REV1: variants seen among roughly 807,000 people sequenced by gnomAD.
REV1 encodes the protein REV1 DNA directed polymerase, also known as translesion synthesis protein REV1.
In REV1, 42 loss-of-function variants were observed where a neutral mutation model predicts 137.4. The ratio of observed to expected loss-of-function variants is 0.31; its 90% CI spans 0.24 to 0.40. The LOEUF (loss-of-function observed/expected upper bound fraction) is 0.40, where lower values mean the gene tolerates loss of function less well. Ranked by LOEUF, REV1 falls within the 10% of genes least tolerant of loss-of-function variation. REV1 has a pLI of 1.00. For synonymous variants in REV1, 524 were observed against 519.2 expected, an observed-to-expected ratio of 1.01 and a Z score of -0.12; for missense variants, 1,282 against 1,490.1, an observed-to-expected ratio of 0.86 and a Z score of 2.30.
At chr2:99,455,277 T>G (rs1305551434) in intron 3 of REV1, among the ~76,000 whole-genome samples, 1 of 152,170 alleles carries the variant, frequency 6.6e-6, no homozygotes, top group African/African-American at 2.4e-5. Flanking sequence ...TCTTATGAAT[T>G]AGAAAAGATA....
chr2:99,422,896 C>T (rs1267191298), intron 10 of REV1, among the ~76,000 whole-genome samples: 1 of 152,186 alleles, frequency 6.6e-6, no homozygotes, highest in Non-Finnish European at 1.5e-5. Context: ...ACCTCAGTCA[C>T]CCATCCCTAT....
intron 13 of REV1, among the ~76,000 whole-genome samples, chr2:99,412,103 G>A (rs1202549692): frequency 6.6e-6 from 1 of 151,372 alleles, no homozygotes; most frequent in Non-Finnish European, 1.5e-5. Flanking sequence ...CGTGGTGGCG[G>A]GTGCCTGTAA....
At chr2:99,489,070 T>C (rs1477250029) in intron 1 of REV1, among the ~76,000 whole-genome samples, 1 of 152,016 alleles carries the variant, frequency 6.6e-6, no homozygotes, top group Non-Finnish European at 1.5e-5. Flanking sequence ...TGAGAATAGG[T>C]AGGAAGAGCA....
At chr2:99,428,131 T>C (rs777028330) in intron 9 of REV1, among the ~76,000 whole-genome samples, 2 of 152,138 alleles carry the variant, frequency 1.3e-5, no homozygotes, top group Non-Finnish European at 2.9e-5. Flanking sequence ...GGAGAGACCC[T>C]GCAGAGGCAG....
In REV1 at chr2:99,402,525, T is replaced by C; in HGVS notation, c.3541+119A>G. 7.4e-6 allele frequency: 8 copies of C among 1,081,752 alleles called. No homozygotes were observed. The South Asian group carries it at 9.2e-5, about 12-fold the overall frequency. The allele number at this position is 1,081,752 out of a possible 1,614,324, so 67.0% of individuals were successfully genotyped here. The stretch of plus-strand genomic sequence containing the variant: ...ATTTAAAAGATTTGGGGGTAGCTGC[T>C]TTAAGCTTATCAGAGTTAGAGAAAT... On this transcript the variant is annotated intron_variant, in intron 21 of 22. Transcript: ENST00000258428.
intron 2 of REV1, among the ~76,000 whole-genome samples, chr2:99,464,038 T>C (rs1416675239): frequency 6.6e-6 from 1 of 152,208 alleles, no homozygotes; most frequent in Non-Finnish European, 1.5e-5. Flanking sequence ...TCCCTACACA[T>C]GGGAAAGAAT....
chr2:99,404,343 T>C, intron 18 of REV1, 101 bp downstream of exon 18: 1 of 627,386 alleles, frequency 1.6e-6, no homozygotes, highest in Non-Finnish European at 2.7e-6. Flanking sequence ...GTGGATGTGG[T>C]GTCAGATACA....
intron 3 of REV1, among the ~76,000 whole-genome samples, chr2:99,461,241 T>C (rs1363775504): frequency 6.6e-6 from 1 of 152,242 alleles, no homozygotes; most frequent in African/African-American, 2.4e-5. Flanking sequence ...ACTCTTCTCT[T>C]ACTAAACCAG....
At chr2:99,439,749 T>G (rs959650104) in intron 5 of REV1, among the ~76,000 whole-genome samples, 14 of 152,244 alleles carry the variant, frequency 9.2e-5, no homozygotes, top group African/African-American at 2.9e-4. Flanking sequence ...GCTTGGCATT[T>G]ACTACATGGT....
At chr2:99,446,302 T>C (rs1053846534) in intron 4 of REV1, among the ~76,000 whole-genome samples, 5 of 152,180 alleles carry the variant, frequency 3.3e-5, no homozygotes, top group Admixed American at 6.5e-5. Flanking sequence ...CCATAGGATA[T>C]ATAATCATGC....
At position 99,454,550 on chromosome 2, in the gene REV1, C is replaced by CAAA. The variant is rs373850478; in HGVS notation, c.182-5049_182-5047dup. 2.7e-3 allele frequency among the ~76,000 whole-genome samples: 221 copies of CAAA among 82,310 alleles called. 2 individuals carry two copies. The highest frequency in any genetic ancestry group is 4.4e-3 in the African/African-American group (89 of 20,286). The allele number at this position is 82,310 out of a possible 152,430, so 54.0% of individuals were successfully genotyped here. Reference sequence around the variant, plus strand: ...GGGCAACAAGAGTGAAACTCCAGCTCAAAAAAAAAAAAAAAAAAAAAAAAA... The same window carrying CAAA: ...GGGCAACAAGAGTGAAACTCCAGCTCAAAAAAAAAAAAAAAAAAAAAAAAAAAA... On this transcript the variant is annotated intron_variant, in intron 3 of 22. Coordinates refer to ENST00000258428, the MANE Select transcript of REV1 (RefSeq NM_016316.4).
intron 4 of REV1, among the ~76,000 whole-genome samples, chr2:99,443,949 G>A (rs1026027502): frequency 6.6e-6 from 1 of 152,012 alleles, no homozygotes; most frequent in South Asian, 2.1e-4. Context: ...TTCCCGAGTA[G>A]CTGGGACTAC....
intron 4 of REV1, among the ~76,000 whole-genome samples, chr2:99,443,947 T>C (rs986673890): frequency 1.3e-5 from 2 of 151,896 alleles, no homozygotes; most frequent in Admixed American, 6.6e-5. Context: ...GCTTCCCGAG[T>C]AGCTGGGACT....
chr2:99,486,005 G>C (rs914059508), intron 1 of REV1, among the ~76,000 whole-genome samples: 18 of 152,278 alleles, frequency 1.2e-4, no homozygotes, highest in Admixed American at 6.5e-4. Context: ...CATGCCTGTA[G>C]TGCAGGCTAC....
intron 3 of REV1, among the ~76,000 whole-genome samples, chr2:99,456,210 A>C (rs1683524879): frequency 6.6e-6 from 1 of 152,170 alleles, no homozygotes; most frequent in Admixed American, 6.5e-5. Flanking sequence ...CAAATACAAA[A>C]CCTGTTATTT....
Position 99,442,400 on chromosome 2 carries a change from T to C in REV1, c.420A>G (p.Lys140=). 1.2e-6 allele frequency: 2 copies of C among 1,613,970 alleles called. No homozygotes were observed. Among genetic ancestry groups the C allele is most frequent in the South Asian group, 1.1e-5 (1 of 91,080 alleles). Residue 140 remains lysine (K), a synonymous_variant, in exon 5 of 23, where the codon AAA becomes AAG. Coordinates refer to ENST00000258428, the MANE Select transcript of REV1 (RefSeq NM_016316.4). ...QLYTKQSSVQ[K]GLSFNPVCRP... ...TGCATACAGGATTAAAGCTGAGACC[T>C]TTCTGCACACTGGACTGCTTGGTGT...
intron 19 of REV1, chr2:99,403,439 A>G (rs1203229809): frequency 5.2e-6 from 3 of 572,906 alleles, no homozygotes; most frequent in African/African-American, 3.7e-5. Context: ...AGTATTTAAG[A>G]CATTTGTGGT....
chr2:99,466,478 G>A (rs529557169), intron 1 of REV1, among the ~76,000 whole-genome samples: 3 of 152,170 alleles, frequency 2.0e-5, no homozygotes, highest in Admixed American at 6.5e-5. Context: ...CTGACCTCAG[G>A]TGATCTGCCC....
chr2:99,470,683 C>T (rs772305731), intron 1 of REV1, among the ~76,000 whole-genome samples: 7 of 152,180 alleles, frequency 4.6e-5, no homozygotes, highest in Admixed American at 2.0e-4. Flanking sequence ...CTGCCTTTGC[C>T]TCTTTTAAAA....
Sources: gnomAD v4.1 joint callset for allele counts (sites outside exome capture counted in the v4.1 genomes callset) on GRCh38, gnomAD v4.1.1 for gene constraint, MANE v1.5 for transcripts, NCBI Gene and HGNC (gene_info 2026-07-23, HGNC 2026-07-21) for gene names.